Variants in CACNB4 observed in about 807,000 individuals in gnomAD.
CACNB4 encodes calcium voltage-gated channel auxiliary subunit beta 4.
CACNB4 carries 32 observed loss-of-function variants against 71.2 expected under a neutral mutation model. That is an observed-to-expected ratio of 0.45 (90% CI 0.34 to 0.60). The LOEUF is 0.60. Ranked by LOEUF, CACNB4 falls within the 20% of genes least tolerant of loss-of-function variation. The pLI is 0.01. For synonymous variants in CACNB4, 231 were observed against 236.9 expected (o/e 0.97, Z 0.23); for missense variants, 464 against 647.9 (o/e 0.72, Z 3.08).
intron 2 of CACNB4, among the ~76,000 whole-genome samples, chr2:152,071,214 CT>C (rs1163309268): frequency 6.6e-6 from 1 of 152,172 alleles, no homozygotes; most frequent in Non-Finnish European, 1.5e-5. Flanking sequence ...TCTTCTGTGA[CT>C]TTAGGCTATT....
chr2:151,878,550 T>TACACACACACACACACACACACACAC lies in CACNB4; in HGVS notation c.391-2020_391-1995dup, dbSNP rs60040188. ...CAGGGTAACATAGCAAGACCCTGTC[T>TACACACACACACACACACACACACAC]ACACACACACACACACACACACACA... On this transcript the variant is annotated intron_variant, in intron 4 of 13. Coordinates refer to ENST00000539935, the MANE Select transcript of CACNB4 (RefSeq NM_000726.5). Among the ~76,000 whole-genome samples the TACACACACACACACACACACACACAC allele has an allele frequency of 5.6e-3, 725 of 129,914 alleles. 16 individuals carry two copies. The highest frequency in any genetic ancestry group is 0.019 in the Middle Eastern group (5 of 258). The allele number at this position is 129,914 out of a possible 152,430, so 85.2% of individuals were successfully genotyped here. A position where few individuals can be genotyped will look rare whatever the true frequency, so the allele number is the denominator to read the frequency against.
intron 12 of CACNB4, among the ~76,000 whole-genome samples, chr2:151,843,785 G>A (rs564630761): frequency 9.8e-4 from 150 of 152,322 alleles, no homozygotes; most frequent in African/African-American, 3.1e-3. Context: ...TGGATGATGT[G>A]AAGTTAGTGG....
At chr2:152,091,988 C>T (rs1268262973) in intron 2 of CACNB4, among the ~76,000 whole-genome samples, 1 of 152,212 alleles carries the variant, frequency 6.6e-6, no homozygotes, top group East Asian at 1.9e-4. Flanking sequence ...GAGGAATAAG[C>T]TCCATATGTC....
At chr2:151,869,336 G>C (rs1041364165) in intron 8 of CACNB4, 101 bp from the exon 9 acceptor site, 3 of 691,758 alleles carry the variant, frequency 4.3e-6, no homozygotes, top group Middle Eastern at 2.4e-4. Context: ...TATGAGCCAA[G>C]ACCTTATTGT....
intron 8 of CACNB4, 32 bp downstream of exon 8, chr2:151,870,499 A>C (rs2099844353): frequency 6.4e-7 from 1 of 1,574,584 alleles, no homozygotes; most frequent in Non-Finnish European, 8.7e-7. Context: ...GTGCTCGATC[A>C]AGAACTGAAG....
chr2:152,003,253 G>C (rs1682529482), intron 2 of CACNB4, among the ~76,000 whole-genome samples: 1 of 151,866 alleles, frequency 6.6e-6, no homozygotes, highest in African/African-American at 2.4e-5. Flanking sequence ...GACCAGTCTG[G>C]CCAATATGGT....
intron 2 of CACNB4, among the ~76,000 whole-genome samples, chr2:151,952,428 A>G (rs986128601): frequency 1.3e-5 from 2 of 152,206 alleles, no homozygotes; most frequent in African/African-American, 4.8e-5. Flanking sequence ...AAGACTCTGA[A>G]GGTCCCTCTT....
At chr2:152,017,224 T>C (rs1351804291) in intron 2 of CACNB4, among the ~76,000 whole-genome samples, 1 of 150,082 alleles carries the variant, frequency 6.7e-6, no homozygotes, top group Admixed American at 6.6e-5. Flanking sequence ...GATATTCTGA[T>C]TCAACGTATC....
intron 2 of CACNB4, among the ~76,000 whole-genome samples, chr2:152,054,026 C>A (rs1000287437): frequency 6.6e-6 from 1 of 152,124 alleles, no homozygotes; most frequent in East Asian, 1.9e-4. Flanking sequence ...CCAGTTTGCA[C>A]CTGCTGGAGG....
intron 2 of CACNB4, among the ~76,000 whole-genome samples, chr2:152,055,730 C>A (rs993493902): frequency 6.6e-6 from 1 of 152,164 alleles, no homozygotes; most frequent in Non-Finnish European, 1.5e-5. Context: ...GATTTCCCCC[C>A]TGATTCTAAG....
intron 2 of CACNB4, among the ~76,000 whole-genome samples, chr2:151,889,159 T>C (rs553809055): frequency 4.5e-4 from 68 of 152,346 alleles, no homozygotes; most frequent in Admixed American, 4.4e-3. Context: ...AATCTTGGTG[T>C]AAATTTGGCA....
At chr2:151,889,158 G>A (rs1056767305) in intron 2 of CACNB4, among the ~76,000 whole-genome samples, 7 of 152,192 alleles carry the variant, frequency 4.6e-5, no homozygotes, top group African/African-American at 1.7e-4. Context: ...TAATCTTGGT[G>A]TAAATTTGGC....
At chr2:152,072,773 T>C (rs907950801) in intron 2 of CACNB4, among the ~76,000 whole-genome samples, 12 of 151,896 alleles carry the variant, frequency 7.9e-5, no homozygotes, top group Non-Finnish European at 4.4e-5. Context: ...CCCAAGTAGC[T>C]GGGACTACAG....
chr2:151,923,990 C>T (rs1019631627), intron 2 of CACNB4, among the ~76,000 whole-genome samples: 29 of 150,166 alleles, frequency 1.9e-4, no homozygotes, highest in African/African-American at 6.6e-4. Flanking sequence ...TTTAATGTGA[C>T]TCTATGATAC....
chr2:151,976,572 G>A (rs1579059368), intron 2 of CACNB4, among the ~76,000 whole-genome samples: 1 of 142,108 alleles, frequency 7.0e-6, no homozygotes, highest in African/African-American at 2.6e-5. Flanking sequence ...TCTTCCCCTA[G>A]GGTCTGGATC....
chr2:151,885,826 T>A (rs1271965190), intron 2 of CACNB4, among the ~76,000 whole-genome samples: 2 of 152,212 alleles, frequency 1.3e-5, no homozygotes, highest in Non-Finnish European at 2.9e-5. Context: ...GCAGGGTGAC[T>A]TTCATAGACG....
intron 2 of CACNB4, among the ~76,000 whole-genome samples, chr2:152,023,957 A>G (rs1214912922): frequency 6.6e-6 from 1 of 152,232 alleles, no homozygotes; most frequent in East Asian, 1.9e-4. Context: ...TTTAAGATGA[A>G]GAAGCACAAT....
At chr2:152,031,059 G>A (rs920790656) in intron 2 of CACNB4, among the ~76,000 whole-genome samples, 2 of 152,178 alleles carry the variant, frequency 1.3e-5, no homozygotes, top group African/African-American at 2.4e-5. Flanking sequence ...ATTGCCACGG[G>A]ACTAGCAAGA....
chr2:151,882,055 A>G (rs1159252877), intron 3 of CACNB4, among the ~76,000 whole-genome samples: 1 of 150,730 alleles, frequency 6.6e-6, no homozygotes, highest in East Asian at 2.0e-4. Flanking sequence ...TATTTTTTGT[A>G]TATTTAGTAG....
Sources: gnomAD v4.1 joint callset for allele counts (sites outside exome capture counted in the v4.1 genomes callset) on GRCh38, gnomAD v4.1.1 for gene constraint, MANE v1.5 for transcripts, NCBI Gene and HGNC (gene_info 2026-07-23, HGNC 2026-07-21) for gene names.